CDH23: variants seen among roughly 807,000 people sequenced by gnomAD.
The protein encoded by CDH23 is cadherin related 23, also known as cadherin-23.
Under a neutral mutation model 317.1 loss-of-function variants are expected in CDH23, and 189 were observed. That is an observed-to-expected ratio of 0.60 (90% CI 0.53 to 0.67). CDH23 has a LOEUF of 0.67. Among genes scored for constraint, CDH23 ranks in the 30% least tolerant of loss-of-function variants. The pLI, the probability that CDH23 is intolerant of heterozygous loss-of-function variation, is 0.00. For synonymous variants in CDH23, 1,839 were observed against 1,876.8 expected (o/e 0.98, Z 0.52); for missense variants, 4,401 against 4,592.4 (o/e 0.96, Z 1.20).
chr10:71,497,736 G>A (rs1380883206), intron 3 of CDH23, among the ~76,000 whole-genome samples: 1 of 152,218 alleles, frequency 6.6e-6, no homozygotes, highest in East Asian at 1.9e-4. Context: ...GGAAAGAACA[G>A]CGTATGGGGA....
Position 71,732,215 on chromosome 10 carries a change from A to G in CDH23, c.3944A>G (p.Asn1315Ser), listed in dbSNP as rs752989030. 1.3e-5 allele frequency: 21 copies of G among 1,613,664 alleles called. No individual in the cohort carries two copies. Among genetic ancestry groups the G allele is most frequent in the East Asian group, 2.2e-5 (1 of 44,888 alleles). ...NELDEAVQFSNASYEAAILEN... is the reference protein window; with the variant it reads ...NELDEAVQFSSASYEAAILEN... ...CTGGACGAGGCCGTGCAGTTCTCCA[A>G]TGCCTCATACGAGGCTGCCATCCTG... is the stretch of plus-strand genomic sequence containing the variant. The change falls in exon 32 of 70, where the codon AAT (asparagine) becomes AGT (serine). Residue 1315 changes from asparagine to serine, a missense_variant. Physicochemically the swap from Asn to Ser is conservative, Grantham distance 46. Transcript: ENST00000224721.
In CDH23 at chr10:71,470,776, C is replaced by CCTCT. The variant is rs563421955; in HGVS notation, c.145+24382_145+24383insTCTC. Among the ~76,000 whole-genome samples, 41 of 152,302 alleles carry CCTCT rather than the reference C, an allele frequency of 2.7e-4. 1 individual carries two copies. In the East Asian group the frequency reaches 7.9e-3, roughly 29 times the overall value. On this transcript the variant is annotated intron_variant, in intron 3 of 69. Coordinates refer to ENST00000224721, the MANE Select transcript of CDH23 (RefSeq NM_022124.6). Reference sequence around the variant, plus strand: ...AAAGTGCTGGGATTACAGGCATGAGCCACTGTGCCTGGCCCTTATTTTTTA... The same window carrying CCTCT: ...AAAGTGCTGGGATTACAGGCATGAGCCTCTCACTGTGCCTGGCCCTTATTTTTTA...
chr10:71,680,095 A>C (rs1864552233), intron 17 of CDH23, among the ~76,000 whole-genome samples: 1 of 152,240 alleles, frequency 6.6e-6, no homozygotes, highest in South Asian at 2.1e-4. Context: ...TTGCCTTGCG[A>C]GCCTCAGCTC....
intron 3 of CDH23, among the ~76,000 whole-genome samples, chr10:71,449,331 A>T (rs1009132140): frequency 3.3e-5 from 5 of 152,106 alleles, no homozygotes; most frequent in African/African-American, 1.2e-4. Context: ...TCGAGGCCTC[A>T]TTACCTGGCT....
Position 71,617,412 on chromosome 10 carries a change from G to A in CDH23, c.1134+19G>A, listed in dbSNP as rs779594997. The A allele has an allele frequency of 4.3e-6, 7 of 1,610,472 alleles. No homozygotes were observed. The East Asian group carries it at 1.6e-4, about 36-fold the overall frequency. On this transcript the variant is annotated intron_variant, in intron 11 of 69. Transcript: ENST00000224721. ...GGATGAGGTGAGTCCCTGGACACAT[G>A]GCCCATGCAGACCCACCACCCATCC...
At chr10:71,508,825 T>C (rs961637941) in intron 3 of CDH23, among the ~76,000 whole-genome samples, 1 of 152,218 alleles carries the variant, frequency 6.6e-6, no homozygotes, top group Non-Finnish European at 1.5e-5. Context: ...TGTACACTTA[T>C]CACATTTTGT....
chr10:71,422,338 T>G (rs994707134), intron 1 of CDH23, among the ~76,000 whole-genome samples: 2 of 152,342 alleles, frequency 1.3e-5, no homozygotes, highest in African/African-American at 4.8e-5. Flanking sequence ...ATTCTGCCAT[T>G]GTCACTTACT....
In CDH23 at chr10:71,811,522, C is replaced by T. The variant is rs1293912018; in HGVS notation, c.9210C>T (p.Ile3070=). 6 of 1,613,970 alleles carry T rather than the reference C, an allele frequency of 3.7e-6. No homozygotes were observed. The highest frequency in any genetic ancestry group is 1.6e-4 in the Middle Eastern group (1 of 6,062). ...TCCTGCTCCCGCAGATGGCGATCAT[C>T]GTCCTGGCTATCCTCCTGTTCCTGG... ...DDMSALQMAI[I]VLAILLFLAA... is the part of the protein sequence containing the mutation. The change falls in exon 64 of 70, where the codon ATC becomes ATT. Residue 3070 remains isoleucine, a synonymous_variant. Coordinates refer to ENST00000224721, the MANE Select transcript of CDH23 (RefSeq NM_022124.6).
intron 17 of CDH23, among the ~76,000 whole-genome samples, chr10:71,680,746 C>CAA (rs1234418702): frequency 1.7e-3 from 27 of 15,788 alleles, no homozygotes; most frequent in South Asian, 4.0e-3. Flanking sequence ...CACTCCGTCT[C>CAA]AAAAAAAAAA....
At chr10:71,433,925 C>T (rs1000637503) in intron 1 of CDH23, among the ~76,000 whole-genome samples, 2 of 151,506 alleles carry the variant, frequency 1.3e-5, no homozygotes, top group African/African-American at 4.8e-5. Flanking sequence ...GTCCTCATCA[C>T]AGCAGCCAGG....
intron 48 of CDH23, 38 bp from the exon 49 acceptor site, chr10:71,797,066 T>C (rs1196563545): frequency 1.4e-6 from 2 of 1,408,226 alleles, no homozygotes; most frequent in East Asian, 2.3e-5. Flanking sequence ...TTTTAGGGGG[T>C]TCTTCTCAGG....
chr10:71,798,447 G>T lies in CDH23; in HGVS notation c.6923G>T (p.Gly2308Val). Residue 2308 changes from glycine to valine, a missense_variant, in exon 50 of 70, where the codon GGG becomes GTG. Coordinates refer to ENST00000224721, the MANE Select transcript of CDH23 (RefSeq NM_022124.6). ...TACTACATGGAGCGGATCCTGGAGG[G>T]GGCCACCCCTGGGACCACACTCATT... ...ITYYMERILE[G>V]ATPGTTLIAV... 6.2e-7 allele frequency: 1 copy of T among 1,613,956 alleles called. No individual in the cohort carries two copies. The highest frequency in any genetic ancestry group is 8.5e-7 in the Non-Finnish European group (1 of 1,179,844).
intron 3 of CDH23, among the ~76,000 whole-genome samples, chr10:71,488,766 C>T (rs1228990062): frequency 6.6e-6 from 1 of 152,160 alleles, no homozygotes; most frequent in Non-Finnish European, 1.5e-5. Context: ...ATCTTTTTTT[C>T]CTACTTATCC....
At chr10:71,516,342 G>C (rs1253806015) in intron 6 of CDH23, among the ~76,000 whole-genome samples, 1 of 152,182 alleles carries the variant, frequency 6.6e-6, no homozygotes, top group African/African-American at 2.4e-5. Context: ...CTGAGAGGTG[G>C]AGGGTCCTTG....
At chr10:71,603,620 G>T (rs895143628) in intron 9 of CDH23, among the ~76,000 whole-genome samples, 7 of 152,190 alleles carry the variant, frequency 4.6e-5, no homozygotes, top group Admixed American at 4.6e-4. Flanking sequence ...AGCAGGGGGG[G>T]CCTCCTTTTC....
intron 3 of CDH23, among the ~76,000 whole-genome samples, chr10:71,459,393 T>C (rs7897815): frequency 0.71 from 108,197 of 152,034 alleles, 38,849 homozygotes; most frequent in East Asian, 0.81. Context: ...TTAAGTCAGG[T>C]ATTTTAAACC....
At chr10:71,761,391 G>A (rs1039533715) in intron 38 of CDH23, among the ~76,000 whole-genome samples, 12 of 151,912 alleles carry the variant, frequency 7.9e-5, no homozygotes, top group Admixed American at 5.9e-4. Context: ...ATGGAGCCAG[G>A]TACACCCTCC....
At chr10:71,639,621 G>A (rs1434388379) in intron 11 of CDH23, among the ~76,000 whole-genome samples, 1 of 152,192 alleles carries the variant, frequency 6.6e-6, no homozygotes, top group Non-Finnish European at 1.5e-5. Context: ...CTTGGCTGCT[G>A]TGTGGCTTGA....
At chr10:71,436,156 C>T (rs1302626842) in intron 1 of CDH23, among the ~76,000 whole-genome samples, 1 of 152,246 alleles carries the variant, frequency 6.6e-6, no homozygotes, top group Non-Finnish European at 1.5e-5. Context: ...CTGAGATGGT[C>T]CCTGCTTCCG....
Sources: allele counts gnomAD v4.1 joint callset (sites outside exome capture counted in the v4.1 genomes callset), GRCh38; gene constraint gnomAD v4.1.1; transcripts MANE v1.5; gene names NCBI Gene and HGNC (gene_info 2026-07-23, HGNC 2026-07-21).